Variants in FUT8 observed in about 807,000 individuals in gnomAD.
The protein encoded by FUT8 is fucosyltransferase 8, also known as alpha-(1,6)-fucosyltransferase.
Under a neutral mutation model 71.3 loss-of-function variants are expected in FUT8, and 29 were observed. The observed-to-expected ratio is 0.41, with a 90% CI of 0.30 to 0.55. The LOEUF is 0.55. Ranked by LOEUF, FUT8 falls within the 20% of genes least tolerant of loss-of-function variation. The probability of loss-of-function intolerance (pLI) is 0.34; values close to 1 mark genes in which losing one functional copy is unlikely to be tolerated. For synonymous variants in FUT8, 254 were observed against 239.3 expected (o/e 1.06, Z -0.57); for missense variants, 544 against 702.1 (o/e 0.77, Z 2.55).
chr14:65,718,577 T>G (rs1003861442), intron 7 of FUT8, among the ~76,000 whole-genome samples: 10 of 152,314 alleles, frequency 6.6e-5, no homozygotes, highest in Admixed American at 3.9e-4. Context: ...CTTCAGATCA[T>G]TTTTTAATTG....
At chr14:65,442,954 A>G (rs1256352113) in intron 1 of FUT8, among the ~76,000 whole-genome samples, 3 of 152,154 alleles carry the variant, frequency 2.0e-5, no homozygotes, top group Non-Finnish European at 2.9e-5. Context: ...GGAACTTAAA[A>G]CTATGGGCTT....
intron 1 of FUT8, among the ~76,000 whole-genome samples, chr14:65,444,584 A>G (rs2065710190): frequency 6.6e-6 from 1 of 152,236 alleles, no homozygotes; most frequent in African/African-American, 2.4e-5. Flanking sequence ...ATGGTACATC[A>G]TACAATGGAT....
chr14:65,456,291 C>A (rs2065893046), intron 2 of FUT8, among the ~76,000 whole-genome samples: 1 of 152,184 alleles, frequency 6.6e-6, no homozygotes, highest in Non-Finnish European at 1.5e-5. Flanking sequence ...CTTTCTATCC[C>A]TGTAATTTGC....
intron 6 of FUT8, 44 bp downstream of exon 6, chr14:65,629,650 G>A (rs1890074813): frequency 2.2e-6 from 3 of 1,339,356 alleles, no homozygotes; most frequent in Admixed American, 1.7e-5. Context: ...AAAAAAAGAA[G>A]GATCATAATA....
At chr14:65,514,589 G>A (rs1882581887) in intron 2 of FUT8, among the ~76,000 whole-genome samples, 1 of 152,136 alleles carries the variant, frequency 6.6e-6, no homozygotes. Flanking sequence ...TTGGATCACA[G>A]CTAGTAGTGG....
chr14:65,393,912 A>C, the FUT8 span, among the ~76,000 whole-genome samples: 1 of 152,214 alleles, frequency 6.6e-6, no homozygotes, highest in Non-Finnish European at 1.5e-5. Flanking sequence ...ACATGGCAGC[A>C]GGCAAGACAG....
At chr14:65,388,745 G>A in the FUT8 span, among the ~76,000 whole-genome samples, 3 of 152,070 alleles carry the variant, frequency 2.0e-5, no homozygotes, top group African/African-American at 7.3e-5. Context: ...CTGGGTGACA[G>A]AGTGAGATTC....
chr14:65,675,725 C>T (rs138652233), intron 7 of FUT8, among the ~76,000 whole-genome samples: 83 of 152,188 alleles, frequency 5.5e-4, no homozygotes, highest in African/African-American at 1.9e-3. Context: ...CGCGGTGGCT[C>T]ACGCCTGTAA....
chr14:65,690,607 C>T (rs1270936297), intron 7 of FUT8, among the ~76,000 whole-genome samples: 2 of 151,548 alleles, frequency 1.3e-5, no homozygotes, highest in African/African-American at 4.9e-5. Context: ...TTTTATTAGA[C>T]TTTAACTTCT....
chr14:65,534,549 CTTTTTTTT>C (rs71126760), intron 2 of FUT8, among the ~76,000 whole-genome samples: 1 of 122,238 alleles, frequency 8.2e-6, no homozygotes, highest in African/African-American at 3.2e-5. Flanking sequence ...GGCTGTTTTT[CTTTTTTTT>C]TTTTTTTTGG....
intron 1 of FUT8, among the ~76,000 whole-genome samples, chr14:65,435,125 T>C (rs559631917): frequency 2.8e-4 from 42 of 152,186 alleles, no homozygotes; most frequent in Non-Finnish European, 4.3e-4. Context: ...AATTCACAGA[T>C]GCTCAGGTCC....
At chr14:65,701,978 A>G (rs1232345242) in intron 7 of FUT8, among the ~76,000 whole-genome samples, 1 of 152,186 alleles carries the variant, frequency 6.6e-6, no homozygotes, top group Non-Finnish European at 1.5e-5. Context: ...TGGAATCAGA[A>G]TGTCTGGGTT....
At chr14:65,395,117 G>A in the FUT8 span, among the ~76,000 whole-genome samples, 1 of 152,218 alleles carries the variant, frequency 6.6e-6, no homozygotes, top group African/African-American at 2.4e-5. Context: ...GATGCAAGAG[G>A]TAGGCTCCCA....
At chr14:65,618,846 C>T (rs1044262037) in intron 5 of FUT8, among the ~76,000 whole-genome samples, 2 of 152,112 alleles carry the variant, frequency 1.3e-5, no homozygotes, top group Admixed American at 6.6e-5. Flanking sequence ...ATGGGCCTGC[C>T]TTCTTAAAAG....
At chr14:65,448,231 G>C (rs186894417) in intron 1 of FUT8, among the ~76,000 whole-genome samples, 2 of 152,278 alleles carry the variant, frequency 1.3e-5, no homozygotes, top group South Asian at 4.2e-4. Flanking sequence ...TTTGTGGTAT[G>C]GTGAAGAGTG....
At chr14:65,674,897 C>T (rs1892639131) in intron 7 of FUT8, among the ~76,000 whole-genome samples, 2 of 152,286 alleles carry the variant, frequency 1.3e-5, no homozygotes, top group South Asian at 2.1e-4. Context: ...TTTCTCTGCC[C>T]TTTACCTGAC....
the FUT8 span, among the ~76,000 whole-genome samples, chr14:65,357,159 C>T: frequency 6.6e-6 from 1 of 152,330 alleles, no homozygotes; most frequent in South Asian, 2.1e-4. Flanking sequence ...GATAATATGT[C>T]TACTCCACAG....
chr14:65,435,047 C>G (rs1045754079), intron 1 of FUT8, among the ~76,000 whole-genome samples: 1 of 151,996 alleles, frequency 6.6e-6, no homozygotes, highest in African/African-American at 2.4e-5. Flanking sequence ...TTTACTTTTC[C>G]GAATGTCATA....
chr14:65,661,425 G>A (rs1891959213), intron 6 of FUT8, among the ~76,000 whole-genome samples: 1 of 152,132 alleles, frequency 6.6e-6, no homozygotes. Context: ...AATGGTTATT[G>A]AGCATTTACT....
Sources: allele counts gnomAD v4.1 joint callset (sites outside exome capture counted in the v4.1 genomes callset), GRCh38; gene constraint gnomAD v4.1.1; transcripts MANE v1.5; gene names NCBI Gene and HGNC (gene_info 2026-07-23, HGNC 2026-07-21).